PGRMC2: variants seen among roughly 807,000 people sequenced by gnomAD.
PGRMC2 encodes the protein progesterone receptor membrane component 2, also known as membrane-associated progesterone receptor component 2.
In PGRMC2, 9 loss-of-function variants were observed where a neutral mutation model predicts 19.3. That is an observed-to-expected ratio of 0.47 (90% CI 0.28 to 0.81). The LOEUF is 0.81. PGRMC2 is among the 40% of genes least tolerant of loss of function. The pLI, the probability that PGRMC2 is intolerant of heterozygous loss-of-function variation, is 0.11. For synonymous variants in PGRMC2, 157 were observed against 124.6 expected (o/e 1.26, Z -1.73); for missense variants, 289 against 297.3 (o/e 0.97, Z 0.21).
chr4:128,283,824 A>T (rs1760944166), intron 1 of PGRMC2, among the ~76,000 whole-genome samples: 1 of 151,126 alleles, frequency 6.6e-6, no homozygotes, highest in Non-Finnish European at 1.5e-5. Context: ...AGCTCAGCTA[A>T]TTTTTTTTTG....
At chr4:128,272,674 C>A in intron 1 of PGRMC2, 157 bp from the exon 2 acceptor site, 1 of 415,466 alleles carries the variant, frequency 2.4e-6, no homozygotes, top group Non-Finnish European at 4.1e-6. Context: ...TGTACAGATA[C>A]TAGATGGAAT....
chr4:128,285,907 C>G (rs971393751), intron 1 of PGRMC2, among the ~76,000 whole-genome samples: 5 of 152,038 alleles, frequency 3.3e-5, no homozygotes, highest in Admixed American at 2.6e-4. Context: ...ACTCTGTAAG[C>G]TATGTATTTA....
At chr4:128,280,353 G>GAAAAAAAAAATTAACAAAAA in intron 1 of PGRMC2, among the ~76,000 whole-genome samples, 1 of 120,544 alleles carries the variant, frequency 8.3e-6, no homozygotes, top group Non-Finnish European at 1.6e-5. Context: ...AATTTTCTGG[G>GAAAAAAAAAATTAACAAAAA]AAAAAAAAAA....
At chr4:128,286,752 G>T (rs1264118381) in intron 1 of PGRMC2, 3 of 398,280 alleles carry the variant, frequency 7.5e-6, no homozygotes, top group African/African-American at 2.1e-5. Flanking sequence ...AACTAAAACT[G>T]GTTTAAAGAG....
rs1442738887 is a variant in PGRMC2 at position 128,287,542 on chromosome 4, C to T, written c.249G>A (p.Gly83=). The T allele has an allele frequency of 7.1e-6, 11 of 1,551,580 alleles. No homozygotes were observed. The highest frequency in any genetic ancestry group is 9.6e-6 in the Non-Finnish European group (11 of 1,148,974). Residue 83 remains glycine (G), a synonymous_variant, in exon 1 of 3, where the codon GGG becomes GGA. Transcript: ENST00000296425. ...CGGGGCTCTCCTCGCCCGCCCCGGC[C>T]CCGGCCCCCAGACCCCGCCGCCCCC... ...VRWGRRGLGA[G]AGAGEESPAT... is the part of the protein sequence containing the mutation.
chr4:128,279,470 C>T (rs1007314656), intron 1 of PGRMC2, among the ~76,000 whole-genome samples: 4 of 152,144 alleles, frequency 2.6e-5, no homozygotes, highest in African/African-American at 9.7e-5. Flanking sequence ...CTCTGAAGGG[C>T]AGTTTAGAAA....
chr4:128,279,518 C>T (rs1268248530), intron 1 of PGRMC2, among the ~76,000 whole-genome samples: 1 of 152,092 alleles, frequency 6.6e-6, no homozygotes, highest in African/African-American at 2.4e-5. Flanking sequence ...CCCCAAGCCT[C>T]GGTAATTTTA....
Position 128,269,553 on chromosome 4 carries a change from A to G in PGRMC2, c.*1763T>C, listed in dbSNP as rs2110555963. 1 of 152,266 alleles carries G rather than the reference A, an allele frequency of 6.6e-6. No individual in the cohort carries two copies. Among genetic ancestry groups the G allele is most frequent in the South Asian group, 2.1e-4 (1 of 4,828 alleles). 9.4% of individuals were successfully genotyped at this position (152,266 alleles called of 1,614,324 possible). Reference sequence around the variant, plus strand: ...ATAACTTTCTACAAAACACTCCAAGACTGAATAGAATGTAGTATTTTACAT... The same window carrying G: ...ATAACTTTCTACAAAACACTCCAAGGCTGAATAGAATGTAGTATTTTACAT... On this transcript the variant is annotated 3_prime_UTR_variant, in exon 3 of 3. Coordinates refer to ENST00000296425, the MANE Select transcript of PGRMC2 (RefSeq NM_006320.6).
rs2110567085 is a variant in PGRMC2, at chr4:128,287,554, A to AACCCC, written c.236_237insGGGGT (p.Leu80GlyfsTer21). The AACCCC allele has an allele frequency of 1.1e-5, 10 of 924,766 alleles. No individual in the cohort carries two copies. Among genetic ancestry groups the AACCCC allele is most frequent in the Non-Finnish European group, 1.5e-5 (10 of 672,944 alleles). The allele number at this position is 924,766 out of a possible 1,614,324, so 57.3% of individuals were successfully genotyped here. Reference sequence around the variant, plus strand: ...CGCCCGCCCCGGCCCCGGCCCCCAGACCCCGCCGCCCCCAGCGCACCCACA... The same window carrying AACCCC: ...CGCCCGCCCCGGCCCCGGCCCCCAGAACCCCCCCCGCCGCCCCCAGCGCACCCACA... On this transcript the variant is annotated frameshift_variant, in exon 1 of 3. Coordinates refer to ENST00000296425, the MANE Select transcript of PGRMC2 (RefSeq NM_006320.6). LOFTEE classifies it high-confidence loss of function.
At position 128,287,611 on chromosome 4, in the gene PGRMC2, C is replaced by T. The variant is rs1761007929; in HGVS notation, c.180G>A (p.Leu60=). ...AGGCCCCCAGCAGCACCAGAGCCAC[C>T]AGCGCCACGTTCAGCAGCATTTCCC... ...GGGEMLLNVA[L]VALVLLGAYR... The change falls in exon 1 of 3, where the codon CTG becomes CTA. Residue 60 remains leucine (L), a synonymous_variant. Coordinates refer to ENST00000296425, the MANE Select transcript of PGRMC2 (RefSeq NM_006320.6). 1 of 1,539,032 alleles carries T rather than the reference C, an allele frequency of 6.5e-7. No individual in the cohort carries two copies. The highest frequency in any genetic ancestry group is 8.7e-7 in the Non-Finnish European group (1 of 1,145,274).
chr4:128,281,710 G>T (rs1354505109), intron 1 of PGRMC2, among the ~76,000 whole-genome samples: 1 of 152,154 alleles, frequency 6.6e-6, no homozygotes. Flanking sequence ...AAACAACACA[G>T]ATTGACTAAA....
At chr4:128,282,236 T>A (rs924293361) in intron 1 of PGRMC2, among the ~76,000 whole-genome samples, 1 of 152,192 alleles carries the variant, frequency 6.6e-6, no homozygotes, top group Non-Finnish European at 1.5e-5. Context: ...AAAATGGAGC[T>A]GAAATCCTAT....
intron 1 of PGRMC2, among the ~76,000 whole-genome samples, chr4:128,279,520 G>A (rs1760871979): frequency 1.3e-5 from 2 of 152,094 alleles, no homozygotes; most frequent in South Asian, 4.1e-4. Flanking sequence ...CCAAGCCTCG[G>A]TAATTTTATT....
chr4:128,282,989 A>G (rs1181981675), intron 1 of PGRMC2, among the ~76,000 whole-genome samples: 3 of 152,220 alleles, frequency 2.0e-5, no homozygotes, highest in Non-Finnish European at 4.4e-5. Context: ...GCTTTGGTAT[A>G]TGTCAAAGAA....
At chr4:128,286,587 A>C in intron 1 of PGRMC2, 1 of 394,488 alleles carries the variant, frequency 2.5e-6, no homozygotes, top group Non-Finnish European at 4.5e-6. Context: ...TTGAAAAGAG[A>C]AAAAAAAAGA....
chr4:128,276,813 C>T (rs1160392174), intron 1 of PGRMC2, among the ~76,000 whole-genome samples: 1 of 152,156 alleles, frequency 6.6e-6, no homozygotes, highest in Non-Finnish European at 1.5e-5. Flanking sequence ...AAATGAACAG[C>T]ATTATTCAGT....
At chr4:128,277,626 TA>T (rs1471231330) in intron 1 of PGRMC2, among the ~76,000 whole-genome samples, 1 of 152,228 alleles carries the variant, frequency 6.6e-6, no homozygotes, top group Non-Finnish European at 1.5e-5. Flanking sequence ...TTTGTGATTA[TA>T]AATTGAGTAA....
chr4:128,286,318 G>C (rs531763650), intron 1 of PGRMC2, among the ~76,000 whole-genome samples: 2 of 152,094 alleles, frequency 1.3e-5, no homozygotes, highest in East Asian at 3.9e-4. Context: ...TTGCTCAACT[G>C]TATGATATAC....
intron 1 of PGRMC2, chr4:128,286,771 G>T (rs1760988957): frequency 5.0e-6 from 2 of 397,688 alleles, no homozygotes; most frequent in Non-Finnish European, 8.9e-6. Flanking sequence ...AGAGTCCGAG[G>T]TGTTGCTTAT....
Sources: allele counts gnomAD v4.1 joint callset (sites outside exome capture counted in the v4.1 genomes callset), GRCh38; gene constraint gnomAD v4.1.1; transcripts MANE v1.5; gene names NCBI Gene and HGNC (gene_info 2026-07-23, HGNC 2026-07-21).